ENTREP2: variants seen among roughly 807,000 people sequenced by gnomAD.
ENTREP2 encodes the protein protein ENTREP2.
the ENTREP2 span, chr15:29,120,310 A>T: frequency 6.6e-6 from 1 of 152,268 alleles, no homozygotes; most frequent in Non-Finnish European, 1.5e-5. Context: ...CTTGAGGTAC[A>T]TTAAATAAAT....
the ENTREP2 span, among the ~76,000 whole-genome samples, chr15:29,481,511 C>T: frequency 2.0e-5 from 3 of 152,152 alleles, no homozygotes; most frequent in Non-Finnish European, 4.4e-5. Flanking sequence ...GGAAGACAGA[C>T]GTACCCTCCA....
chr15:29,235,766 C>G, the ENTREP2 span, among the ~76,000 whole-genome samples: 1 of 152,122 alleles, frequency 6.6e-6, no homozygotes, highest in Admixed American at 6.5e-5. Context: ...GAATTCAAGA[C>G]CAGCATGGCC....
the ENTREP2 span, among the ~76,000 whole-genome samples, chr15:29,384,636 G>A: frequency 6.6e-6 from 1 of 152,066 alleles, no homozygotes; most frequent in African/African-American, 2.4e-5. Context: ...GGCAAGGGAG[G>A]AAACTGCACA....
the ENTREP2 span, among the ~76,000 whole-genome samples, chr15:29,238,279 G>A: frequency 0.4 from 60,797 of 151,984 alleles, 12,413 homozygotes; most frequent in East Asian, 0.59. Context: ...TACATCTGTG[G>A]ATATATTAGA....
At chr15:29,433,786 A>AGG in the ENTREP2 span, among the ~76,000 whole-genome samples, 20 of 150,688 alleles carry the variant, frequency 1.3e-4, no homozygotes, top group South Asian at 1.1e-3. Flanking sequence ...CATGGGAAAA[A>AGG]AAAAAAAAAA....
chr15:29,653,999 T>C, the ENTREP2 span, among the ~76,000 whole-genome samples: 2 of 152,194 alleles, frequency 1.3e-5, no homozygotes, highest in African/African-American at 4.8e-5. Flanking sequence ...GATGCTAACA[T>C]GTTCTGTTCA....
chr15:29,576,050 T>G, the ENTREP2 span, among the ~76,000 whole-genome samples: 1 of 152,126 alleles, frequency 6.6e-6, no homozygotes, highest in African/African-American at 2.4e-5. Flanking sequence ...AGAACAAAGT[T>G]GAAAGACTCA....
At chr15:29,234,865 C>T in the ENTREP2 span, 55 of 1,450,276 alleles carry the variant, frequency 3.8e-5, no homozygotes, top group African/African-American at 2.4e-4. Context: ...CTTGGTGCCC[C>T]GAACGAATTG....
chr15:29,300,985 T>C, the ENTREP2 span, among the ~76,000 whole-genome samples: 362 of 152,366 alleles, frequency 2.4e-3, 1 homozygote, highest in Non-Finnish European at 4.1e-3. Flanking sequence ...TCATCAGTGT[T>C]TTCTGAAAGA....
chr15:29,304,490 A>G, the ENTREP2 span, among the ~76,000 whole-genome samples: 1 of 152,156 alleles, frequency 6.6e-6, no homozygotes, highest in Admixed American at 6.5e-5. Flanking sequence ...TAAGAAAATC[A>G]CTCAAAACCA....
At chr15:29,628,033 A>G in the ENTREP2 span, among the ~76,000 whole-genome samples, 3 of 152,178 alleles carry the variant, frequency 2.0e-5, no homozygotes. Context: ...AGGTAATTCT[A>G]TGTTTAACTT....
At chr15:29,634,997 A>G in the ENTREP2 span, among the ~76,000 whole-genome samples, 1 of 152,086 alleles carries the variant, frequency 6.6e-6, no homozygotes, top group Non-Finnish European at 1.5e-5. Flanking sequence ...GGCGCCTGCC[A>G]CCACACCCGG....
chr15:29,622,876 G>A, the ENTREP2 span, among the ~76,000 whole-genome samples: 1 of 152,332 alleles, frequency 6.6e-6, no homozygotes, highest in East Asian at 1.9e-4. Flanking sequence ...ATGGCAGAGA[G>A]CGGTGTGAGG....
chr15:29,382,111 G>A, the ENTREP2 span, among the ~76,000 whole-genome samples: 1 of 152,180 alleles, frequency 6.6e-6, no homozygotes, highest in African/African-American at 2.4e-5. Flanking sequence ...GGTCCTCGAT[G>A]TGATTTGGCT....
At chr15:29,392,311 C>CCA in the ENTREP2 span, among the ~76,000 whole-genome samples, 13 of 152,226 alleles carry the variant, frequency 8.5e-5, no homozygotes, top group East Asian at 2.5e-3. Flanking sequence ...GAGAAGGGAT[C>CCA]CACAGGCTTC....
chr15:29,485,123 A>C, the ENTREP2 span, among the ~76,000 whole-genome samples: 1 of 152,222 alleles, frequency 6.6e-6, no homozygotes, highest in African/African-American at 2.4e-5. Flanking sequence ...AAAACCATTG[A>C]AAATTCAAGC....
At chr15:29,474,090 C>T in the ENTREP2 span, among the ~76,000 whole-genome samples, 26 of 152,344 alleles carry the variant, frequency 1.7e-4, no homozygotes, top group South Asian at 5.0e-3. Context: ...GACCTAGTTA[C>T]AGACGGGCTT....
the ENTREP2 span, among the ~76,000 whole-genome samples, chr15:29,492,410 TATC>T: frequency 2.0e-5 from 3 of 152,240 alleles, no homozygotes; most frequent in African/African-American, 7.2e-5. Flanking sequence ...ATGATTACGA[TATC>T]ATGTGATTTC....
the ENTREP2 span, among the ~76,000 whole-genome samples, chr15:29,543,581 C>T: frequency 6.6e-6 from 1 of 152,088 alleles, no homozygotes; most frequent in Non-Finnish European, 1.5e-5. Flanking sequence ...GGAGTCGAGA[C>T]CAGCCTGGCC....
Sources: gnomAD v4.1 joint callset for allele counts (sites outside exome capture counted in the v4.1 genomes callset) on GRCh38, gnomAD v4.1.1 for gene constraint, MANE v1.5 for transcripts, NCBI Gene and HGNC (gene_info 2026-07-23, HGNC 2026-07-21) for gene names.